Variants in GFRA1 observed in about 807,000 individuals in gnomAD.
GFRA1 encodes the protein GDNF family receptor alpha-1.
In GFRA1, 16 loss-of-function variants were observed where a neutral mutation model predicts 51.6. The observed-to-expected ratio is 0.31, with a 90% CI of 0.21 to 0.47. The LOEUF (loss-of-function observed/expected upper bound fraction) is 0.47, where lower values mean the gene tolerates loss of function less well. Among genes scored for constraint, GFRA1 ranks in the 20% least tolerant of loss-of-function variants. The pLI is 1.00. For missense variants in GFRA1, 530 were observed against 594.3 expected (o/e 0.89, Z 1.13); for synonymous variants, 270 against 241.3 (o/e 1.12, Z -1.10).
rs1453550301 is a variant in GFRA1, at chr10:116,063,721, T to C, written c.*677A>G. ...ATCGGCACACTCATTCCCCACTCTCTATTTTGACGAAAAGACAGATACTAT... is the reference window on the plus strand; with the variant it reads ...ATCGGCACACTCATTCCCCACTCTCCATTTTGACGAAAAGACAGATACTAT... On this transcript the variant is annotated 3_prime_UTR_variant, in exon 11 of 11. Transcript: ENST00000355422. 1 of 152,502 alleles carries C rather than the reference T, an allele frequency of 6.6e-6. No homozygotes were observed. Among genetic ancestry groups the C allele is most frequent in the Non-Finnish European group, 1.5e-5 (1 of 68,260 alleles). 9.4% of individuals were successfully genotyped at this position (152,502 alleles called of 1,614,324 possible).
At chr10:116,102,252 A>C (rs1009612208) in intron 6 of GFRA1, among the ~76,000 whole-genome samples, 1 of 152,190 alleles carries the variant, frequency 6.6e-6, no homozygotes, top group Non-Finnish European at 1.5e-5. Flanking sequence ...CATCAAGTGT[A>C]TACCTGCTTT....
chr10:116,135,941 A>G (rs549823788), intron 5 of GFRA1, among the ~76,000 whole-genome samples: 31 of 152,222 alleles, frequency 2.0e-4, no homozygotes, highest in Non-Finnish European at 4.3e-4. Context: ...ATCCTGTTGC[A>G]TCTTCAACCA....
At chr10:116,206,468 C>T (rs886441584) in intron 5 of GFRA1, among the ~76,000 whole-genome samples, 4 of 152,138 alleles carry the variant, frequency 2.6e-5, no homozygotes, top group African/African-American at 9.7e-5. Context: ...ACAGGCTTGG[C>T]TCGGCTGCCA....
intron 5 of GFRA1, among the ~76,000 whole-genome samples, chr10:116,135,784 A>T (rs1002466178): frequency 3.3e-5 from 5 of 152,214 alleles, no homozygotes; most frequent in African/African-American, 1.2e-4. Context: ...CAAAACAGCT[A>T]AATATTTTTC....
At chr10:116,202,181 G>A (rs1964388155) in intron 5 of GFRA1, among the ~76,000 whole-genome samples, 1 of 152,308 alleles carries the variant, frequency 6.6e-6, no homozygotes, top group East Asian at 1.9e-4. Context: ...GGTGTGGGAA[G>A]CCAGATGTGT....
chr10:116,263,650 TAA>T (rs1211550458), intron 4 of GFRA1, among the ~76,000 whole-genome samples: 1 of 152,008 alleles, frequency 6.6e-6, no homozygotes, highest in Non-Finnish European at 1.5e-5. Context: ...AGCCAGTTAG[TAA>T]AAGAGTGAAG....
At chr10:116,137,261 A>C (rs1958367349) in intron 5 of GFRA1, among the ~76,000 whole-genome samples, 1 of 152,200 alleles carries the variant, frequency 6.6e-6, no homozygotes, top group Admixed American at 6.5e-5. Flanking sequence ...AGCTGAAACA[A>C]TGAAAAATGA....
In GFRA1 at chr10:116,064,245, T is replaced by G; in HGVS notation, c.*153A>C. On this transcript the variant is annotated 3_prime_UTR_variant, in exon 11 of 11. Coordinates refer to ENST00000355422, the MANE Select transcript of GFRA1 (RefSeq NM_005264.8). ...GAAGCCCCAAAGGATCACAAGAAGCTTTCTTAAAAGGAAAAAAAAAAAATG... is the reference window on the plus strand; with the variant it reads ...GAAGCCCCAAAGGATCACAAGAAGCGTTCTTAAAAGGAAAAAAAAAAAATG... The G allele has an allele frequency of 1.5e-6, 1 of 677,826 alleles. No homozygotes were observed. The highest frequency in any genetic ancestry group is 2.5e-6 in the Non-Finnish European group (1 of 396,198). 42.0% of individuals were successfully genotyped at this position (677,826 alleles called of 1,614,324 possible).
intron 4 of GFRA1, among the ~76,000 whole-genome samples, chr10:116,258,406 AT>A (rs1969050636): frequency 1.3e-4 from 1 of 7,632 alleles, no homozygotes; most frequent in Admixed American, 2.6e-3. Flanking sequence ...AATAAAATAT[AT>A]TATATTAATA....
intron 5 of GFRA1, among the ~76,000 whole-genome samples, chr10:116,140,636 A>G (rs1958521998): frequency 2.6e-5 from 4 of 152,182 alleles, no homozygotes; most frequent in Admixed American, 1.3e-4. Context: ...GAAATTGGTA[A>G]TTCATTTCTG....
At chr10:116,088,559 G>A (rs1290284195) in intron 9 of GFRA1, among the ~76,000 whole-genome samples, 2 of 152,122 alleles carry the variant, frequency 1.3e-5, no homozygotes, top group African/African-American at 4.8e-5. Flanking sequence ...AACGAAAGAA[G>A]CTACGATACT....
At chr10:116,250,118 G>A (rs140930877) in intron 4 of GFRA1, among the ~76,000 whole-genome samples, 158 of 152,290 alleles carry the variant, frequency 1.0e-3, no homozygotes, top group African/African-American at 3.6e-3. Flanking sequence ...GAGAAAGGCA[G>A]AGTGTCTTTA....
intron 5 of GFRA1, among the ~76,000 whole-genome samples, chr10:116,138,707 G>A (rs761806443): frequency 1.5e-5 from 2 of 134,636 alleles, no homozygotes; most frequent in Non-Finnish European, 3.0e-5. Context: ...TCATGAGCTT[G>A]AGACAAAGGA....
chr10:116,150,770 C>A (rs1043564663), intron 5 of GFRA1, among the ~76,000 whole-genome samples: 2 of 152,180 alleles, frequency 1.3e-5, no homozygotes, highest in Non-Finnish European at 2.9e-5. Context: ...AATGTAGCAT[C>A]CCTACACGTG....
At chr10:116,185,527 A>C (rs1016986109) in intron 5 of GFRA1, among the ~76,000 whole-genome samples, 6 of 151,552 alleles carry the variant, frequency 4.0e-5, no homozygotes, top group Non-Finnish European at 7.4e-5. Flanking sequence ...TTACACCTCC[A>C]CTCCCCACTG....
At chr10:116,189,080 C>G (rs1963010441) in intron 5 of GFRA1, among the ~76,000 whole-genome samples, 1 of 145,120 alleles carries the variant, frequency 6.9e-6, no homozygotes, top group Middle Eastern at 3.3e-3. Context: ...CACAGGGAGA[C>G]CTTGTCTCTT....
chr10:116,096,700 T>C lies in GFRA1; in HGVS notation c.835A>G (p.Lys279Glu). 1 of 1,612,802 alleles carries C rather than the reference T, an allele frequency of 6.2e-7. No individual in the cohort carries two copies. ...AGGAGGCAGTCAGCGTAGTTTTCCT[T>C]TAGACAGCTGCTGACAGACCTTGAC... The part of the protein sequence containing the change: ...PESRSVSSCL[K>E]ENYADCLLAY... The change falls in exon 7 of 11, where the codon AAG becomes GAG. Residue 279 changes from lysine to glutamate, a missense_variant. Coordinates refer to ENST00000355422, the MANE Select transcript of GFRA1 (RefSeq NM_005264.8).
intron 6 of GFRA1, among the ~76,000 whole-genome samples, chr10:116,120,540 G>T (rs928338681): frequency 5.9e-5 from 9 of 152,168 alleles, no homozygotes; most frequent in African/African-American, 2.2e-4. Context: ...AGCCTCAACT[G>T]CAACACTGCA....
intron 5 of GFRA1, among the ~76,000 whole-genome samples, chr10:116,163,334 G>A (rs1274494808): frequency 2.0e-5 from 3 of 152,138 alleles, no homozygotes; most frequent in African/African-American, 4.8e-5. Flanking sequence ...GCACTTACTC[G>A]AGAAACACAA....
Sources: gnomAD v4.1 joint callset for allele counts (sites outside exome capture counted in the v4.1 genomes callset) on GRCh38, gnomAD v4.1.1 for gene constraint, MANE v1.5 for transcripts, NCBI Gene and HGNC (gene_info 2026-07-23, HGNC 2026-07-21) for gene names.